Variants in ZNF841 observed in about 807,000 individuals in gnomAD.
ZNF841 encodes the protein zinc finger protein 841.
In ZNF841, 11 loss-of-function variants were observed where a neutral mutation model predicts 13.0. The ratio of observed to expected loss-of-function variants is 0.85; its 90% CI spans 0.53 to 1.40. The LOEUF (loss-of-function observed/expected upper bound fraction) is 1.40. Among genes scored for constraint, ZNF841 ranks in the 40% most tolerant of loss-of-function variants. The pLI is 0.00. For synonymous variants in ZNF841, 369 were observed against 381.6 expected, an observed-to-expected ratio of 0.97 and a Z score of 0.38; for missense variants, 1,068 against 1,139.5, an observed-to-expected ratio of 0.94 and a Z score of 0.90.
chr19:52,072,368 T>C (rs1300272289), intron 6 of ZNF841, among the ~76,000 whole-genome samples: 1 of 151,912 alleles, frequency 6.6e-6, no homozygotes, highest in Non-Finnish European at 1.5e-5. Context: ...CCAAAAACAG[T>C]GCAATACAAA....
chr19:52,069,714 C>G (rs1470660138), intron 6 of ZNF841, among the ~76,000 whole-genome samples: 1 of 152,166 alleles, frequency 6.6e-6, no homozygotes, highest in Non-Finnish European at 1.5e-5. Context: ...CATGAGAACA[C>G]AGAGTCAGCC....
intron 4 of ZNF841, among the ~76,000 whole-genome samples, chr19:52,077,566 T>C (rs1600091875): frequency 6.6e-6 from 1 of 152,216 alleles, no homozygotes; most frequent in Non-Finnish European, 1.5e-5. Context: ...AATGATGACA[T>C]AATCACCTAT....
At chr19:52,086,008 G>A (rs957569817) in intron 3 of ZNF841, among the ~76,000 whole-genome samples, 1 of 152,224 alleles carries the variant, frequency 6.6e-6, no homozygotes, top group African/African-American at 2.4e-5. Flanking sequence ...CATCATCTGA[G>A]ATGTGCAGGA....
At chr19:52,078,073 T>G (rs1483642208) in intron 4 of ZNF841, among the ~76,000 whole-genome samples, 1 of 152,124 alleles carries the variant, frequency 6.6e-6, no homozygotes, top group African/African-American at 2.4e-5. Flanking sequence ...GGGTGGATCA[T>G]GAGGTCAAGA....
In ZNF841 at chr19:52,090,652, AAG is replaced by A. The variant is rs1169402192; in HGVS notation, c.-143-1652_-143-1651del. Among the ~76,000 whole-genome samples, 269 of 129,600 alleles carry A rather than the reference AAG, an allele frequency of 2.1e-3. 3 individuals carry two copies. Among genetic ancestry groups the A allele is most frequent in the African/African-American group, 8.3e-3 (256 of 30,840 alleles). 85.0% of individuals were successfully genotyped at this position (129,600 alleles called of 152,430 possible). On this transcript the variant is annotated intron_variant, in intron 2 of 6. Coordinates refer to ENST00000594440, the MANE Select transcript of ZNF841 (RefSeq NM_001136499.2). ...GAAAGAAGGAAGGAAGGAAGGAAGG[AAG>A]GAAAGAAAGAAAGAAAGAAAGAAAG...
chr19:52,076,258 G>C (rs1002599782), intron 5 of ZNF841, 86 bp from the exon 6 acceptor site: 1 of 1,453,466 alleles, frequency 6.9e-7, no homozygotes, highest in East Asian at 2.5e-5. Context: ...CACTGCAGTT[G>C]AATCTACAAA....
chr19:52,065,580 T>A lies in ZNF841; in HGVS notation c.2302A>T (p.Asn768Tyr), dbSNP rs771070824. 1 of 1,613,932 alleles carries A rather than the reference T, an allele frequency of 6.2e-7. No homozygotes were observed. Among genetic ancestry groups the A allele is most frequent in the Non-Finnish European group, 8.5e-7 (1 of 1,179,900 alleles). The change falls in exon 7 of 7, where the codon AAT becomes TAT. Residue 768 changes from asparagine to tyrosine, a missense_variant. Coordinates refer to ENST00000594440, the MANE Select transcript of ZNF841 (RefSeq NM_001136499.2). ...TAACGGAAGACCTTGCCACATTCAT[T>A]ACATTTGTAAGGTTTCTCTCCAGTA... ...IHTGEKPYKCNECGKVFRYRS... is the reference protein window; with the variant it reads ...IHTGEKPYKCYECGKVFRYRS...
chr19:52,063,317 A>G (rs2087436227), downstream of ZNF841, among the ~76,000 whole-genome samples: 1 of 152,062 alleles, frequency 6.6e-6, no homozygotes. Context: ...TTTCCTGTAT[A>G]AATTCTCTCA....
At chr19:52,078,568 C>A (rs367639526) in intron 4 of ZNF841, among the ~76,000 whole-genome samples, 1 of 151,174 alleles carries the variant, frequency 6.6e-6, no homozygotes, top group African/African-American at 2.4e-5. Context: ...GTGTGGTGGC[C>A]GGCGCCTGTA....
Position 52,077,382 on chromosome 19 carries a change from T to C in ZNF841, c.16-298A>G, listed in dbSNP as rs189943843. 1.7e-4 allele frequency among the ~76,000 whole-genome samples: 26 copies of C among 152,300 alleles called. No individual in the cohort carries two copies. The East Asian group carries it at 4.8e-3, about 28-fold the overall frequency. ...TACATTTGTTACACCAAGTGAGGTG[T>C]CCAGATGAGCTAGAATACAAGTGGT... On this transcript the variant is annotated intron_variant, in intron 4 of 6. Coordinates refer to ENST00000594440, the MANE Select transcript of ZNF841 (RefSeq NM_001136499.2).
chr19:52,066,397 A>T lies in ZNF841; in HGVS notation c.1485T>A (p.Ser495Arg). ...GATGCACTGCAAGATGTGAATGTTGACTGAAGACCTTGCCACATTCATTAC... is the reference window on the plus strand; with the variant it reads ...GATGCACTGCAAGATGTGAATGTTGTCTGAAGACCTTGCCACATTCATTAC... ...YKCNECGKVF[S>R]QHSHLAVHQR... The change falls in exon 7 of 7, where the codon AGT (serine) becomes AGA (arginine). Residue 495 changes from serine to arginine, a missense_variant. By Grantham distance (110) the Ser-to-Arg change is moderately radical. Coordinates refer to ENST00000594440, the MANE Select transcript of ZNF841 (RefSeq NM_001136499.2). 1 of 1,614,066 alleles carries T rather than the reference A, an allele frequency of 6.2e-7. No homozygotes were observed. The highest frequency in any genetic ancestry group is 1.1e-5 in the South Asian group (1 of 91,074).
chr19:52,075,909 G>T, intron 6 of ZNF841, 135 bp downstream of exon 6: 1 of 1,257,708 alleles, frequency 8.0e-7, no homozygotes, highest in Non-Finnish European at 1.1e-6. Context: ...AAAGCAAAGT[G>T]ATAAGCAGGA....
chr19:52,065,348 C>G lies in ZNF841; in HGVS notation c.2534G>C (p.Gly845Ala), dbSNP rs1053769398. The change falls in exon 7 of 7, where the codon GGA (glycine) becomes GCA (alanine). Residue 845 changes from glycine to alanine, a missense_variant. By Grantham distance (60) the Gly-to-Ala change is moderately conservative. Coordinates refer to ENST00000594440, the MANE Select transcript of ZNF841 (RefSeq NM_001136499.2). ...TTCCATACATTTGTATGGCTTCTCT[C>G]CAGTATGGTTTCTCTGATGGTAAAC... ...NLVYHQRNHT[G>A]EKPYKCMECG... The G allele has an allele frequency of 1.9e-6, 3 of 1,608,326 alleles. No homozygotes were observed. Among genetic ancestry groups the G allele is most frequent in the Non-Finnish European group, 2.5e-6 (3 of 1,176,880 alleles).
At chr19:52,059,370 A>AAAAAAAAAAAAC in the ZNF841 span, among the ~76,000 whole-genome samples, 1 of 69,654 alleles carries the variant, frequency 1.4e-5, no homozygotes, top group Non-Finnish European at 2.4e-5. Context: ...AAAAAAAAAA[A>AAAAAAAAAAAAC]ATATATATAT....
chr19:52,094,163 T>G (rs143966540), intron 1 of ZNF841, 192 bp from the exon 2 acceptor site: 8 of 152,344 alleles, frequency 5.3e-5, no homozygotes, highest in African/African-American at 1.9e-4. Context: ...GCCCTCTGGC[T>G]AAATAGGAAT....
At chr19:52,062,723 G>C (rs2087424577), downstream of ZNF841, among the ~76,000 whole-genome samples, 1 of 152,112 alleles carries the variant, frequency 6.6e-6, no homozygotes, top group South Asian at 2.1e-4. Flanking sequence ...ACACGCTCTT[G>C]ATCCTTTGAT....
chr19:52,060,100 T>A (rs2087373243), downstream of ZNF841, among the ~76,000 whole-genome samples: 2 of 152,174 alleles, frequency 1.3e-5, no homozygotes, highest in African/African-American at 4.8e-5. Context: ...GAGTGTACTT[T>A]CATTTTCAAT....
At chr19:52,082,073 T>C (rs1249628111) in intron 4 of ZNF841, among the ~76,000 whole-genome samples, 1 of 152,152 alleles carries the variant, frequency 6.6e-6, no homozygotes, top group Non-Finnish European at 1.5e-5. Context: ...CAAGAACGTA[T>C]GTATCCTGAA....
chr19:52,094,301 A>G (rs563306246), intron 1 of ZNF841, among the ~76,000 whole-genome samples: 1 of 152,298 alleles, frequency 6.6e-6, no homozygotes, highest in Admixed American at 6.5e-5. Flanking sequence ...ACAAATCAAT[A>G]TATTACAACC....
Sources: gnomAD v4.1 joint callset for allele counts (sites outside exome capture counted in the v4.1 genomes callset) on GRCh38, gnomAD v4.1.1 for gene constraint, MANE v1.5 for transcripts, NCBI Gene and HGNC (gene_info 2026-07-23, HGNC 2026-07-21) for gene names.